Variants in MYO3B observed in about 807,000 individuals in gnomAD.
The protein encoded by MYO3B is myosin IIIB, also known as myosin-IIIb.
MYO3B carries 156 observed loss-of-function variants against 174.6 expected under a neutral mutation model. That is an observed-to-expected ratio of 0.89 (90% confidence interval 0.78 to 1.02). MYO3B has a LOEUF of 1.02. MYO3B is among the 50% of genes least tolerant of loss of function. The pLI is 0.00. For synonymous variants in MYO3B, 563 were observed against 569.1 expected (o/e 0.99, Z 0.15); for missense variants, 1,632 against 1,639.4 (o/e 1.00, Z 0.08).
chr2:170,600,054 C>A (rs1575226284), intron 32 of MYO3B, among the ~76,000 whole-genome samples: 1 of 151,840 alleles, frequency 6.6e-6, no homozygotes, highest in South Asian at 2.1e-4. Context: ...TGGGAAGGCA[C>A]TAATGAAGGA....
chr2:170,249,964 C>T (rs1480711529), intron 7 of MYO3B, among the ~76,000 whole-genome samples: 2 of 152,132 alleles, frequency 1.3e-5, no homozygotes, highest in Non-Finnish European at 1.5e-5. Flanking sequence ...TGGCACTTCT[C>T]CTCCTATGAC....
At chr2:170,289,399 G>A (rs1289246286) in intron 7 of MYO3B, among the ~76,000 whole-genome samples, 1 of 151,936 alleles carries the variant, frequency 6.6e-6, no homozygotes, top group Non-Finnish European at 1.5e-5. Context: ...AACAATTATT[G>A]GTTTTGTGAG....
chr2:170,349,044 A>T (rs2094039850), intron 8 of MYO3B, among the ~76,000 whole-genome samples: 1 of 152,168 alleles, frequency 6.6e-6, no homozygotes, highest in Admixed American at 6.5e-5. Context: ...TGATCAAGTC[A>T]TGCCCTACTC....
intron 30 of MYO3B, among the ~76,000 whole-genome samples, chr2:170,530,061 A>G (rs1380606425): frequency 2.6e-5 from 4 of 152,226 alleles, no homozygotes; most frequent in African/African-American, 9.6e-5. Flanking sequence ...AGTATTTGCC[A>G]TTAAAAGCTG....
At chr2:170,296,368 A>T (rs1559367250) in intron 7 of MYO3B, among the ~76,000 whole-genome samples, 1 of 152,232 alleles carries the variant, frequency 6.6e-6, no homozygotes, top group African/African-American at 2.4e-5. Flanking sequence ...TTCTGTCCGT[A>T]TAACCATTGG....
intron 32 of MYO3B, among the ~76,000 whole-genome samples, chr2:170,627,878 A>G (rs1433616834): frequency 1.3e-5 from 2 of 152,118 alleles, no homozygotes; most frequent in Non-Finnish European, 2.9e-5. Flanking sequence ...ATTGCTGAAC[A>G]GCAAATATTG....
chr2:170,414,798 T>C (rs1434858547), intron 22 of MYO3B, among the ~76,000 whole-genome samples: 2 of 152,254 alleles, frequency 1.3e-5, no homozygotes, highest in African/African-American at 4.8e-5. Context: ...GTACATGTTT[T>C]ATTAGATGTA....
chr2:170,457,644 A>ATTGTT (rs1683982372), intron 23 of MYO3B, among the ~76,000 whole-genome samples: 1 of 152,230 alleles, frequency 6.6e-6, no homozygotes, highest in Non-Finnish European at 1.5e-5. Context: ...CTCCTATGAT[A>ATTGTT]ACAATGCCTT....
At chr2:170,252,215 T>C (rs2093261033) in intron 7 of MYO3B, among the ~76,000 whole-genome samples, 1 of 152,226 alleles carries the variant, frequency 6.6e-6, no homozygotes, top group Admixed American at 6.5e-5. Context: ...ATGTTATCAC[T>C]TCAGTGTCTA....
chr2:170,240,639 T>C (rs906556405), intron 7 of MYO3B, among the ~76,000 whole-genome samples: 3 of 152,232 alleles, frequency 2.0e-5, no homozygotes, highest in Non-Finnish European at 2.9e-5. Flanking sequence ...CTGGGGTATA[T>C]GGAAATGAAT....
chr2:170,611,615 C>A (rs909956259), intron 32 of MYO3B, among the ~76,000 whole-genome samples: 1 of 152,122 alleles, frequency 6.6e-6, no homozygotes. Flanking sequence ...GAGGACCAGG[C>A]AGGAGAATTC....
intron 8 of MYO3B, among the ~76,000 whole-genome samples, chr2:170,363,695 A>G (rs1425092334): frequency 6.6e-6 from 1 of 152,168 alleles, no homozygotes; most frequent in African/African-American, 2.4e-5. Context: ...AGAATTTCAA[A>G]TTAGATAGTG....
intron 7 of MYO3B, among the ~76,000 whole-genome samples, chr2:170,258,115 A>C (rs1263156470): frequency 1.3e-5 from 2 of 152,144 alleles, no homozygotes; most frequent in African/African-American, 4.8e-5. Flanking sequence ...TATGGACTAG[A>C]TGGATTCCCA....
intron 14 of MYO3B, among the ~76,000 whole-genome samples, chr2:170,390,387 C>T (rs1346377921): frequency 6.6e-6 from 1 of 152,172 alleles, no homozygotes; most frequent in Non-Finnish European, 1.5e-5. Context: ...ATGACCTCAC[C>T]ACTGCACTCC....
chr2:170,205,383 T>A (rs2105348044), intron 3 of MYO3B, among the ~76,000 whole-genome samples: 1 of 152,256 alleles, frequency 6.6e-6, no homozygotes, highest in South Asian at 2.1e-4. Context: ...TCTGGGATCA[T>A]CACCCAGCAT....
intron 7 of MYO3B, among the ~76,000 whole-genome samples, chr2:170,305,852 G>T (rs970277976): frequency 1.3e-5 from 2 of 152,160 alleles, no homozygotes; most frequent in East Asian, 1.9e-4. Context: ...CTCCTGTGTA[G>T]CTGGGATTAC....
intron 32 of MYO3B, among the ~76,000 whole-genome samples, chr2:170,646,623 T>G (rs1302545284): frequency 6.6e-6 from 1 of 152,162 alleles, no homozygotes; most frequent in Non-Finnish European, 1.5e-5. Flanking sequence ...CTCGAACTCC[T>G]GAGCTCAAGC....
chr2:170,392,322 G>A (rs1162531110), intron 15 of MYO3B, 59 bp from the exon 16 acceptor site: 13 of 1,210,018 alleles, frequency 1.1e-5, no homozygotes, highest in East Asian at 1.0e-4. Context: ...AAATGGAAAT[G>A]CCTGTACTAC....
At chr2:170,642,450 T>C (rs1470481591) in intron 32 of MYO3B, among the ~76,000 whole-genome samples, 3 of 152,178 alleles carry the variant, frequency 2.0e-5, no homozygotes, top group African/African-American at 7.2e-5. Flanking sequence ...TAGCTTTCCT[T>C]TCATCTTAAA....
Sources: allele counts gnomAD v4.1 joint callset (sites outside exome capture counted in the v4.1 genomes callset), GRCh38; gene constraint gnomAD v4.1.1; transcripts MANE v1.5; gene names NCBI Gene and HGNC (gene_info 2026-07-23, HGNC 2026-07-21).